Variants in ERBB4 observed in about 807,000 individuals in gnomAD.
ERBB4 encodes erb-b2 receptor tyrosine kinase 4.
Under a neutral mutation model 158.0 loss-of-function variants are expected in ERBB4, and 42 were observed. That is an observed-to-expected ratio of 0.27 (90% CI 0.21 to 0.34). ERBB4 has a LOEUF of 0.34. Ranked by LOEUF, ERBB4 falls within the 10% of genes least tolerant of loss-of-function variation. ERBB4 has a pLI of 1.00. For synonymous variants in ERBB4, 583 were observed against 558.7 expected (o/e 1.04, Z -0.61); for missense variants, 1,333 against 1,624.1 (o/e 0.82, Z 3.08).
chr2:212,190,536 CAAA>C (rs11362884), intron 1 of ERBB4, among the ~76,000 whole-genome samples: 4 of 129,100 alleles, frequency 3.1e-5, no homozygotes, highest in Non-Finnish European at 1.6e-5. Context: ...GACTCCGTCT[CAAA>C]AAAAAAAAAA....
intron 1 of ERBB4, among the ~76,000 whole-genome samples, chr2:212,325,827 G>A (rs560751695): frequency 6.6e-6 from 1 of 150,596 alleles, no homozygotes; most frequent in African/African-American, 2.4e-5. Flanking sequence ...TTGGGTTGGG[G>A]GAGAGGTGTA....
At chr2:212,015,252 C>A (rs956891692) in intron 2 of ERBB4, among the ~76,000 whole-genome samples, 1 of 149,622 alleles carries the variant, frequency 6.7e-6, no homozygotes, top group East Asian at 2.0e-4. Flanking sequence ...GGCAACAGAG[C>A]GAGACACTGT....
chr2:212,317,757 G>A (rs2087357728), intron 1 of ERBB4, among the ~76,000 whole-genome samples: 1 of 151,254 alleles, frequency 6.6e-6, no homozygotes, highest in Non-Finnish European at 1.5e-5. Flanking sequence ...GATATAAAGT[G>A]GTAAGGCTAG....
chr2:212,197,800 G>C (rs1045729113), intron 1 of ERBB4, among the ~76,000 whole-genome samples: 9 of 152,162 alleles, frequency 5.9e-5, no homozygotes, highest in Non-Finnish European at 1.2e-4. Flanking sequence ...GAATTAGGGA[G>C]CATACTCTGA....
intron 3 of ERBB4, among the ~76,000 whole-genome samples, chr2:211,905,647 CATATATAT>C (rs56758130): frequency 0.021 from 1,512 of 71,438 alleles, 39 homozygotes; most frequent in African/African-American, 0.045. Context: ...TAGGAAGGAT[CATATATAT>C]ATATATATAT....
chr2:211,832,701 G>A (rs1054267026), intron 3 of ERBB4, among the ~76,000 whole-genome samples: 5 of 151,214 alleles, frequency 3.3e-5, no homozygotes, highest in African/African-American at 4.8e-5. Flanking sequence ...ATTTCAAAAA[G>A]GGGCTGGCAT....
chr2:212,438,817 T>G (rs1470927256), intron 1 of ERBB4, among the ~76,000 whole-genome samples: 1 of 152,094 alleles, frequency 6.6e-6, no homozygotes, highest in African/African-American at 2.4e-5. Context: ...GAAGAATGAA[T>G]GTATAGCAAG....
At chr2:212,216,156 C>A (rs2083093390) in intron 1 of ERBB4, among the ~76,000 whole-genome samples, 1 of 151,240 alleles carries the variant, frequency 6.6e-6, no homozygotes, top group Admixed American at 6.6e-5. Context: ...ATAGATATAG[C>A]AATGAGCATA....
intron 2 of ERBB4, among the ~76,000 whole-genome samples, chr2:211,948,270 A>C (rs2080760609): frequency 6.6e-6 from 1 of 151,800 alleles, no homozygotes; most frequent in Admixed American, 6.6e-5. Context: ...CCCCATCTCT[A>C]CTAAAAATAC....
chr2:211,776,434 G>A (rs1041521015), intron 4 of ERBB4, among the ~76,000 whole-genome samples: 11 of 152,084 alleles, frequency 7.2e-5, no homozygotes, highest in African/African-American at 1.9e-4. Context: ...AGCTGCATTC[G>A]TGTGTGCTTG....
chr2:212,317,334 A>G (rs1307375160), intron 1 of ERBB4, among the ~76,000 whole-genome samples: 1 of 151,550 alleles, frequency 6.6e-6, no homozygotes, highest in Non-Finnish European at 1.5e-5. Context: ...TACATCGATT[A>G]AAGAATCATA....
chr2:212,178,603 C>T (rs1426615465), intron 1 of ERBB4, among the ~76,000 whole-genome samples: 1 of 151,564 alleles, frequency 6.6e-6, no homozygotes, highest in Admixed American at 6.6e-5. Flanking sequence ...CCCTAAGCTT[C>T]ATGGGTAAAA....
intron 1 of ERBB4, among the ~76,000 whole-genome samples, chr2:212,389,969 T>C (rs1410380902): frequency 1.3e-5 from 2 of 151,878 alleles, no homozygotes; most frequent in African/African-American, 4.8e-5. Context: ...CTGTGCTCTC[T>C]AGAATAAAAG....
intron 3 of ERBB4, among the ~76,000 whole-genome samples, chr2:211,933,094 A>G (rs140650398): frequency 0.035 from 5,327 of 152,028 alleles, 126 homozygotes; most frequent in Middle Eastern, 0.088. Flanking sequence ...GGTTCTCGTA[A>G]TTTTTAAGAG....
chr2:212,177,543 C>A (rs1282268736), intron 1 of ERBB4, among the ~76,000 whole-genome samples: 2 of 151,786 alleles, frequency 1.3e-5, no homozygotes, highest in Admixed American at 1.3e-4. Flanking sequence ...GAGATATAAA[C>A]CATCCCCTAC....
At chr2:212,463,017 T>A (rs373369939) in intron 1 of ERBB4, among the ~76,000 whole-genome samples, 4 of 152,158 alleles carry the variant, frequency 2.6e-5, no homozygotes, top group African/African-American at 7.2e-5. Flanking sequence ...ACAAAATAAA[T>A]ACTGCATGTT....
At chr2:212,406,958 G>T (rs1426256758) in intron 1 of ERBB4, among the ~76,000 whole-genome samples, 1 of 151,772 alleles carries the variant, frequency 6.6e-6, no homozygotes, top group African/African-American at 2.4e-5. Context: ...TCTTCTCTCT[G>T]CACAAATCCT....
intron 1 of ERBB4, among the ~76,000 whole-genome samples, chr2:212,166,428 C>T (rs1343322560): frequency 1.3e-5 from 2 of 151,868 alleles, no homozygotes; most frequent in Non-Finnish European, 2.9e-5. Context: ...AAAATTGTCT[C>T]ATTTTGCAGG....
intron 2 of ERBB4, among the ~76,000 whole-genome samples, chr2:212,022,690 A>ATTTTT (rs2076682615): frequency 1.3e-5 from 2 of 152,158 alleles, no homozygotes; most frequent in Admixed American, 6.6e-5. Context: ...AACTTAAAAA[A>ATTTTT]TAAAAAACAT....
Sources: gnomAD v4.1 joint callset for allele counts (sites outside exome capture counted in the v4.1 genomes callset) on GRCh38, gnomAD v4.1.1 for gene constraint, MANE v1.5 for transcripts, NCBI Gene and HGNC (gene_info 2026-07-23, HGNC 2026-07-21) for gene names.